The following OSBPL6 variants were observed in gnomAD, a reference collection of about 807,000 sequenced individuals.
OSBPL6 encodes the protein oxysterol-binding protein-related protein 6.
A neutral mutation model predicts 125.8 loss-of-function variants in OSBPL6; 49 were observed. The observed-to-expected ratio is 0.39, with a 90% CI of 0.31 to 0.49. The LOEUF is 0.49. Among genes scored for constraint, OSBPL6 ranks in the 20% least tolerant of loss-of-function variants. The pLI is 0.88. For missense variants in OSBPL6, 986 were observed against 1,135.4 expected, an observed-to-expected ratio of 0.87 and a Z score of 1.89; for synonymous variants, 394 against 391.8, an observed-to-expected ratio of 1.01 and a Z score of -0.07.
At chr2:178,379,060 C>T (rs10165902) in intron 15 of OSBPL6, among the ~76,000 whole-genome samples, 82,374 of 151,172 alleles carry the variant, frequency 0.54, 22,632 homozygotes, top group East Asian at 0.71. Flanking sequence ...GGTCCCAGCT[C>T]CTTCAGGAGG....
In OSBPL6 at chr2:178,397,175, G is replaced by A. The variant is rs920800061; in HGVS notation, c.*1616G>A. The A allele has an allele frequency of 6.6e-6, 1 of 152,196 alleles. No individual in the cohort carries two copies. The highest frequency in any genetic ancestry group is 2.4e-5 in the African/African-American group (1 of 41,450). 9.4% of individuals were successfully genotyped at this position (152,196 alleles called of 1,614,324 possible). On this transcript the variant is annotated 3_prime_UTR_variant, in exon 25 of 25. Transcript: ENST00000190611. ...CAAATGAAAAACTGCTGATGAGAGTGTAAGAGAAAGCGCTAACGTTTCCAC... is the reference window on the plus strand; with the variant it reads ...CAAATGAAAAACTGCTGATGAGAGTATAAGAGAAAGCGCTAACGTTTCCAC...
chr2:178,389,994 A>G (rs1695264603), intron 21 of OSBPL6, among the ~76,000 whole-genome samples: 1 of 151,930 alleles, frequency 6.6e-6, no homozygotes. Context: ...TTTTTCTTAG[A>G]GACTCGTAAG....
At chr2:178,326,121 T>C (rs1559247983) in intron 4 of OSBPL6, among the ~76,000 whole-genome samples, 1 of 151,618 alleles carries the variant, frequency 6.6e-6, no homozygotes, top group Admixed American at 6.6e-5. Flanking sequence ...TTTTTTTTTT[T>C]TTTTTGAAGT....
At chr2:178,254,856 A>G (rs990768466) in intron 1 of OSBPL6, among the ~76,000 whole-genome samples, 3 of 152,236 alleles carry the variant, frequency 2.0e-5, no homozygotes, top group Admixed American at 2.0e-4. Flanking sequence ...TAGTGTATTT[A>G]GTCTGTTCTC....
chr2:178,247,157 G>A (rs1169948847), intron 1 of OSBPL6, among the ~76,000 whole-genome samples: 2 of 151,952 alleles, frequency 1.3e-5, no homozygotes, highest in Non-Finnish European at 2.9e-5. Flanking sequence ...GTTCTCTTGG[G>A]CACCTTATAA....
intron 23 of OSBPL6, 121 bp downstream of exon 23, chr2:178,392,659 C>CTCA: frequency 7.9e-7 from 1 of 1,271,646 alleles, no homozygotes; most frequent in Non-Finnish European, 1.1e-6. Context: ...AATTCAAGAC[C>CTCA]AGCCTGGACA....
intron 12 of OSBPL6, among the ~76,000 whole-genome samples, chr2:178,361,444 G>T (rs538964798): frequency 1.3e-5 from 2 of 152,148 alleles, no homozygotes; most frequent in East Asian, 3.9e-4. Context: ...CCAGATTTTT[G>T]TTGGCCTGTC....
intron 1 of OSBPL6, among the ~76,000 whole-genome samples, chr2:178,261,519 T>C (rs977602238): frequency 2.6e-5 from 4 of 152,130 alleles, no homozygotes; most frequent in African/African-American, 7.2e-5. Context: ...ATTTTCAAAT[T>C]GTAGAAAAAA....
At chr2:178,334,357 C>A (rs1574898210) in intron 8 of OSBPL6, among the ~76,000 whole-genome samples, 1 of 152,132 alleles carries the variant, frequency 6.6e-6, no homozygotes, top group South Asian at 2.1e-4. Context: ...TCCAAGTTTC[C>A]TTTGCAAACC....
At chr2:178,310,857 T>C (rs1687210798) in intron 3 of OSBPL6, among the ~76,000 whole-genome samples, 3 of 152,158 alleles carry the variant, frequency 2.0e-5, no homozygotes, top group Non-Finnish European at 4.4e-5. Flanking sequence ...CTTCAGGATA[T>C]ACCTGGAATC....
intron 3 of OSBPL6, among the ~76,000 whole-genome samples, chr2:178,307,279 T>C (rs1273513221): frequency 2.6e-5 from 4 of 152,168 alleles, no homozygotes; most frequent in Non-Finnish European, 5.9e-5. Flanking sequence ...TCATTTTCGA[T>C]AGTGCAAGTA....
rs1559108007 is a variant in OSBPL6 at position 178,200,246 on chromosome 2, C to CTTTTTT, written c.-351+5572_-351+5573insTTTTTT. 3.0e-5 allele frequency among the ~76,000 whole-genome samples: 4 copies of CTTTTTT among 133,600 alleles called. 1 individual carries two copies. Among genetic ancestry groups the CTTTTTT allele is most frequent in the Non-Finnish European group, 1.6e-5 (1 of 61,900 alleles). The allele number at this position is 133,600 out of a possible 152,430, so 87.6% of individuals were successfully genotyped here. A position where few individuals can be genotyped will look rare whatever the true frequency, so the allele number is the denominator to read the frequency against. ...GCAAGCAAGGTTCTGTTTCTTCAGA[C>CTTTTTT]CTTTTTTTTTTTTTTTTTTTTTTGA... On this transcript the variant is annotated intron_variant, in intron 1 of 24. Coordinates refer to ENST00000190611, the MANE Select transcript of OSBPL6 (RefSeq NM_032523.4).
intron 11 of OSBPL6, among the ~76,000 whole-genome samples, chr2:178,339,966 A>G (rs1172197208): frequency 1.3e-5 from 2 of 152,180 alleles, no homozygotes; most frequent in Non-Finnish European, 2.9e-5. Flanking sequence ...ATTTAAAAGA[A>G]AGGTTAAAAT....
rs746653123 is a variant in OSBPL6, at chr2:178,395,772, T to TA, written c.*241dup. 0.042 allele frequency: 10,210 copies of TA among 241,084 alleles called. 119 individuals are homozygous for TA. The highest frequency in any genetic ancestry group is 0.065 in the East Asian group (566 of 8,740). The allele number at this position is 241,084 out of a possible 1,614,324, so 14.9% of individuals were successfully genotyped here. ...TCTGTTTTGCTGCAACCATATTCCTTAAAAAAAAAAAAAAAAAAAAAAAAA... is the reference window on the plus strand; with the variant it reads ...TCTGTTTTGCTGCAACCATATTCCTTAAAAAAAAAAAAAAAAAAAAAAAAAA... On this transcript the variant is annotated 3_prime_UTR_variant, in exon 25 of 25. Transcript: ENST00000190611.
At chr2:178,195,199 A>ATTGGG (rs1387018479) in intron 1 of OSBPL6, among the ~76,000 whole-genome samples, 1 of 151,950 alleles carries the variant, frequency 6.6e-6, no homozygotes, top group Non-Finnish European at 1.5e-5. Flanking sequence ...GAAGTTGTGC[A>ATTGGG]TTGGGTTTTA....
At chr2:178,306,911 A>G (rs1298506103) in intron 3 of OSBPL6, among the ~76,000 whole-genome samples, 3 of 152,154 alleles carry the variant, frequency 2.0e-5, no homozygotes, top group African/African-American at 7.2e-5. Flanking sequence ...TTCTGCTGGC[A>G]GGGTTATGTG....
intron 1 of OSBPL6, among the ~76,000 whole-genome samples, chr2:178,223,311 C>G (rs983751110): frequency 3.9e-5 from 6 of 152,120 alleles, no homozygotes; most frequent in Non-Finnish European, 8.8e-5. Flanking sequence ...ACATTCCCTC[C>G]TTTGTGTTTT....
intron 1 of OSBPL6, among the ~76,000 whole-genome samples, chr2:178,279,690 AT>A (rs1683944572): frequency 6.6e-6 from 1 of 152,200 alleles, no homozygotes; most frequent in African/African-American, 2.4e-5. Context: ...ATGCACGCCA[AT>A]TTTGGTTATA....
In OSBPL6 at chr2:178,332,895, G is replaced by T. The variant is rs778834206; in HGVS notation, c.511G>T (p.Ala171Ser). The T allele has an allele frequency of 1.9e-6, 3 of 1,613,588 alleles. No homozygotes were observed. Among genetic ancestry groups the T allele is most frequent in the Non-Finnish European group, 2.5e-6 (3 of 1,179,532 alleles). ...GGTGAAATCCCAGGACTGGTTTGAT[G>T]CATGGGTCTCCAAACTGCGACATCA... is the stretch of plus-strand genomic sequence containing the variant. ...LKVKSQDWFD[A>S]WVSKLRHHRL... The change falls in exon 8 of 25, where the codon GCA becomes TCA. Residue 171 changes from alanine (A) to serine (S), a missense_variant. Ala to Ser is a moderately conservative substitution (Grantham distance 99, BLOSUM62 1). Coordinates refer to ENST00000190611, the MANE Select transcript of OSBPL6 (RefSeq NM_032523.4).
Sources: gnomAD v4.1 joint callset for allele counts (sites outside exome capture counted in the v4.1 genomes callset) on GRCh38, gnomAD v4.1.1 for gene constraint, MANE v1.5 for transcripts, NCBI Gene and HGNC (gene_info 2026-07-23, HGNC 2026-07-21) for gene names.